Variants in NLRP1 observed in about 807,000 individuals in gnomAD.
NLRP1 encodes the protein NLR family pyrin domain containing 1, also known as NACHT, LRR and PYD domains-containing protein 1.
In NLRP1, 94 loss-of-function variants were observed where a neutral mutation model predicts 136.7. That is an observed-to-expected ratio of 0.69 (90% confidence interval 0.58 to 0.82). The LOEUF (loss-of-function observed/expected upper bound fraction) is 0.82. NLRP1 is among the 40% of genes least tolerant of loss of function. The pLI is 0.00. For synonymous variants in NLRP1, 690 were observed against 725.1 expected, an observed-to-expected ratio of 0.95 and a Z score of 0.78; for missense variants, 1,575 against 1,802.7, an observed-to-expected ratio of 0.87 and a Z score of 2.29.
intron 15 of NLRP1, chr17:5,505,504 C>T (rs1907288494): frequency 6.6e-6 from 1 of 152,456 alleles, no homozygotes; most frequent in Admixed American, 6.5e-5. Flanking sequence ...CCCCCCTACC[C>T]TCCCTTCCTG....
intron 3 of NLRP1, among the ~76,000 whole-genome samples, chr17:5,565,692 G>A (rs936318395): frequency 6.6e-6 from 1 of 152,184 alleles, no homozygotes; most frequent in Non-Finnish European, 1.5e-5. Flanking sequence ...ACTGGCCTCA[G>A]AGAATGAGTG....
chr17:5,509,646 C>A (rs541471756), downstream of NLRP1, among the ~76,000 whole-genome samples: 1 of 152,316 alleles, frequency 6.6e-6, no homozygotes, highest in Non-Finnish European at 1.5e-5. Flanking sequence ...CGGCTCACTG[C>A]ATGAGCCAGC....
chr17:5,580,119 C>T (rs1567673590), intron 3 of NLRP1, among the ~76,000 whole-genome samples: 1 of 151,996 alleles, frequency 6.6e-6, no homozygotes, highest in Non-Finnish European at 1.5e-5. Flanking sequence ...CCTGTAGTCC[C>T]AGCGACTCGG....
Position 5,537,813 on chromosome 17 carries a change from G to A in NLRP1, c.2871-873C>T, listed in dbSNP as rs570654289. On this transcript the variant is annotated intron_variant, in intron 7 of 16. Transcript: ENST00000572272. This position sits in a 1 kb window ranked among gnomAD's most constrained non-coding sequence, Gnocchi z 4.5. ...GAAGCAGCCCAGGTTTGACAGGTAA[G>A]TGTTGAGCTGGGGCCTGAAGCCATA... Among the ~76,000 whole-genome samples the A allele has an allele frequency of 9.8e-5, 15 of 152,342 alleles. No individual in the cohort carries two copies. The highest frequency in any genetic ancestry group is 2.9e-4 in the African/African-American group (12 of 41,576).
Position 5,558,653 on chromosome 17 carries a change from C to CTCA in NLRP1, c.2040_2042dup (p.Asp680dup). 2.7e-5 allele frequency: 43 copies of CTCA among 1,614,140 alleles called. No individual in the cohort carries two copies. The highest frequency in any genetic ancestry group is 3.6e-5 in the Non-Finnish European group (43 of 1,180,024). The stretch of plus-strand genomic sequence containing the variant: ...AGATGTTCTCCATCTCTCTCTCCCC[C>CTCA]TCATCACTTAACAGGCCCAATAGGA... On this transcript the variant is annotated inframe_insertion, in exon 4 of 17. Transcript: ENST00000572272.
At chr17:5,551,184 A>G (rs1913315029) in intron 5 of NLRP1, among the ~76,000 whole-genome samples, 1 of 152,178 alleles carries the variant, frequency 6.6e-6, no homozygotes, top group Admixed American at 6.5e-5. Context: ...ACTGTGCTCT[A>G]TTAATTCCTC....
chr17:5,502,608 G>C (rs1417639480), intron 15 of NLRP1: 1 of 152,996 alleles, frequency 6.5e-6, no homozygotes, highest in Admixed American at 6.5e-5. Context: ...AGTATATGAA[G>C]GGTGAAATTG....
At chr17:5,533,480 C>T in intron 9 of NLRP1, 96 bp from the exon 10 acceptor site, 11 of 664,524 alleles carry the variant, frequency 1.7e-5, no homozygotes, top group Non-Finnish European at 3.0e-5. Context: ...TGTTTGAGCT[C>T]AGAAGGTTTA....
intron 3 of NLRP1, 118 bp from the exon 4 acceptor site, chr17:5,560,161 TGGTATGTTCTTGCCATGCGGCGGAA>T: frequency 1.1e-6 from 1 of 931,608 alleles, no homozygotes; most frequent in Non-Finnish European, 1.5e-6. Flanking sequence ...CTGCAGACAC[TGGTATGTTCTTGCCATGCGGCGGAA>T]GGACATGTGC....
intron 6 of NLRP1, among the ~76,000 whole-genome samples, chr17:5,540,706 G>C (rs559696329): frequency 3.2e-4 from 49 of 152,234 alleles, no homozygotes; most frequent in South Asian, 6.2e-4. Context: ...CTTCCTAGCC[G>C]ACCAGGGATC....
chr17:5,533,451 G>A, intron 9 of NLRP1, 67 bp from the exon 10 acceptor site: 1 of 713,634 alleles, frequency 1.4e-6, no homozygotes, highest in East Asian at 2.7e-5. Flanking sequence ...TTCTACTCAG[G>A]AGGCGGAGGT....
intron 8 of NLRP1, among the ~76,000 whole-genome samples, chr17:5,536,364 G>T (rs1180792348): frequency 6.6e-6 from 1 of 150,658 alleles, no homozygotes; most frequent in African/African-American, 2.4e-5. Flanking sequence ...GGTCAGGCTG[G>T]TCTTGAACTC....
At chr17:5,512,444 G>A (rs1385334940), downstream of NLRP1, 12 of 785,658 alleles carry the variant, frequency 1.5e-5, no homozygotes, top group Non-Finnish European at 2.3e-5. Context: ...GCAATTCCAC[G>A]ACCAGGTTTT....
chr17:5,521,155 C>G (rs761475537), intron 13 of NLRP1, 143 bp from the exon 14 acceptor site: 6 of 778,724 alleles, frequency 7.7e-6, no homozygotes, highest in African/African-American at 1.7e-5. Flanking sequence ...TGCACTGCTA[C>G]AGAGACAGCC....
downstream of NLRP1, among the ~76,000 whole-genome samples, chr17:5,509,338 C>T (rs1907509803): frequency 6.6e-6 from 1 of 152,226 alleles, no homozygotes; most frequent in African/African-American, 2.4e-5. Flanking sequence ...CTTCTTCCTT[C>T]CCCTGCTTCC....
Position 5,541,974 on chromosome 17 carries a change from A to G in NLRP1, c.2582T>C (p.Leu861Pro). Reference sequence around the variant, plus strand: ...CTCGGTCAGGGTCTGGTTGGCTCTCAGCCCAAAGGCAAGGTCCTTGCAGTC... The same window carrying G: ...CTCGGTCAGGGTCTGGTTGGCTCTCGGCCCAAAGGCAAGGTCCTTGCAGTC... ...AEDCKDLAFG[L>P]RANQTLTELD... The change falls in exon 6 of 17, where the codon CTG becomes CCG. Residue 861 changes from leucine to proline, a missense_variant. Leu to Pro is a moderately conservative substitution (Grantham distance 98). Coordinates refer to ENST00000572272, the MANE Select transcript of NLRP1 (RefSeq NM_033004.4). The surrounding 1 kb of genome is among the most constrained non-coding windows in gnomAD (Gnocchi z 4.2). 6.2e-7 allele frequency: 1 copy of G among 1,614,114 alleles called. No homozygotes were observed. Among genetic ancestry groups the G allele is most frequent in the South Asian group, 1.1e-5 (1 of 91,070 alleles).
rs139983291 is a variant in NLRP1 at position 5,515,922 on chromosome 17, G to A, written c.4058-405C>T. ...AGCAGAAATCTACTTCCTTGTTCTT[G>A]TTTAGCCTTCTAGACTGGCACCAAC... On this transcript the variant is annotated intron_variant, in intron 15 of 16. Coordinates refer to ENST00000572272, the MANE Select transcript of NLRP1 (RefSeq NM_033004.4). 1.7e-4 allele frequency among the ~76,000 whole-genome samples: 26 copies of A among 152,282 alleles called. No homozygotes were observed. The East Asian group carries it at 5.0e-3, about 29-fold the overall frequency.
Position 5,559,328 on chromosome 17 carries a change from G to A in NLRP1, c.1368C>T (p.Ile456=). The A allele has an allele frequency of 3.7e-6, 6 of 1,614,102 alleles. No individual in the cohort carries two copies. Among genetic ancestry groups the A allele is most frequent in the South Asian group, 1.1e-5 (1 of 91,070 alleles). ...TCTGCAGAGCTGTGGTCCGAGCCGT[G>A]ATCAGGAAGGATGCCTCGGGAAGTA... ...KTILPEASFL[I]TARTTALQNL... The change falls in exon 4 of 17, where the codon ATC becomes ATT. Residue 456 remains isoleucine (I), a synonymous_variant. Transcript: ENST00000572272.
intron 4 of NLRP1, among the ~76,000 whole-genome samples, chr17:5,553,898 C>CT (rs1286509634): frequency 2.0e-5 from 3 of 150,758 alleles, no homozygotes; most frequent in African/African-American, 7.4e-5. Context: ...AGCATAGGGC[C>CT]TGGCCTCGGT....
Sources: allele counts gnomAD v4.1 joint callset (sites outside exome capture counted in the v4.1 genomes callset), GRCh38; gene constraint gnomAD v4.1.1; non-coding constraint Gnocchi (gnomAD v3.1); transcripts MANE v1.5; gene names NCBI Gene and HGNC (gene_info 2026-07-23, HGNC 2026-07-21).